PRUNE2: variants seen among roughly 807,000 people sequenced by gnomAD.
PRUNE2 encodes protein prune homolog 2.
A neutral mutation model predicts 252.0 loss-of-function variants in PRUNE2; 164 were observed. That is an observed-to-expected ratio of 0.65 (90% CI 0.57 to 0.74). The LOEUF is 0.74. Among genes scored for constraint, PRUNE2 ranks in the 30% least tolerant of loss-of-function variants. The probability of loss-of-function intolerance (pLI) is 0.00; values close to 1 mark genes in which losing one functional copy is unlikely to be tolerated. For synonymous variants in PRUNE2, 1,292 were observed against 1,350.2 expected (o/e 0.96, Z 0.94); for missense variants, 3,495 against 3,711.0 (o/e 0.94, Z 1.51).
intron 6 of PRUNE2, among the ~76,000 whole-genome samples, chr9:76,726,677 A>C (rs2048131319): frequency 6.6e-6 from 1 of 152,216 alleles, no homozygotes; most frequent in Non-Finnish European, 1.5e-5. Context: ...GTACTATTTA[A>C]ACAATCCAGG....
intron 6 of PRUNE2, among the ~76,000 whole-genome samples, chr9:76,751,074 A>G (rs1206524690): frequency 6.6e-6 from 1 of 152,178 alleles, no homozygotes; most frequent in East Asian, 1.9e-4. Flanking sequence ...ATATTAGCCC[A>G]CCTAAATCTA....
chr9:76,771,954 A>G (rs1263586833), intron 6 of PRUNE2, among the ~76,000 whole-genome samples: 1 of 152,226 alleles, frequency 6.6e-6, no homozygotes, highest in Admixed American at 6.5e-5. Flanking sequence ...CGTGGGACTC[A>G]GTGGGTTCAT....
In PRUNE2 at chr9:76,905,915, T is replaced by C; in HGVS notation, c.36+13A>G. The C allele has an allele frequency of 6.2e-7, 1 of 1,614,102 alleles. No individual in the cohort carries two copies. The highest frequency in any genetic ancestry group is 8.5e-7 in the Non-Finnish European group (1 of 1,180,006). ...CGCGCGCGCACACACACAGCTTTGC[T>C]CACTCAACTTACCAGTTTAGATTTG... is the stretch of plus-strand genomic sequence containing the variant. On this transcript the variant is annotated intron_variant, in intron 1 of 18. Transcript: ENST00000376718.
At position 76,905,904 on chromosome 9, in the gene PRUNE2, C is replaced by A; in HGVS notation, c.36+24G>T. On this transcript the variant is annotated intron_variant, in intron 1 of 18. Coordinates refer to ENST00000376718, the MANE Select transcript of PRUNE2 (RefSeq NM_015225.3). Reference sequence around the variant, plus strand: ...ATTAGCATACGCGCGCGCGCACACACACAGCTTTGCTCACTCAACTTACCA... The same window carrying A: ...ATTAGCATACGCGCGCGCGCACACAAACAGCTTTGCTCACTCAACTTACCA... The A allele has an allele frequency of 1.9e-6, 3 of 1,614,186 alleles. No individual in the cohort carries two copies. In the South Asian group the frequency reaches 3.3e-5, roughly 18 times the overall value.
At chr9:76,799,446 C>T (rs1214487827) in intron 6 of PRUNE2, among the ~76,000 whole-genome samples, 2 of 151,940 alleles carry the variant, frequency 1.3e-5, no homozygotes, top group East Asian at 1.9e-4. Flanking sequence ...ATTTTTGCCA[C>T]ACTGAGCATA....
intron 5 of PRUNE2, among the ~76,000 whole-genome samples, chr9:76,825,675 G>T (rs118166573): frequency 6.6e-6 from 1 of 152,212 alleles, no homozygotes; most frequent in East Asian, 1.9e-4. Context: ...CTGCACTTCA[G>T]TGTCCTCCCT....
intron 9 of PRUNE2, among the ~76,000 whole-genome samples, chr9:76,661,830 A>C (rs1473017009): frequency 6.6e-6 from 1 of 152,196 alleles, no homozygotes; most frequent in Non-Finnish European, 1.5e-5. Context: ...CAATGCAGTA[A>C]TATAGCTTGA....
intron 1 of PRUNE2, among the ~76,000 whole-genome samples, chr9:76,894,417 A>G (rs2062685123): frequency 1.3e-5 from 2 of 152,206 alleles, no homozygotes; most frequent in African/African-American, 4.8e-5. Context: ...CTCCTTGGAG[A>G]GAGGACCAGG....
intron 12 of PRUNE2, among the ~76,000 whole-genome samples, chr9:76,643,906 A>G (rs985721690): frequency 1.3e-5 from 2 of 152,206 alleles, no homozygotes; most frequent in Non-Finnish European, 2.9e-5. Flanking sequence ...ATTAAGGAAG[A>G]GAGAACTGAG....
At chr9:76,724,959 A>G (rs1359207219) in intron 6 of PRUNE2, among the ~76,000 whole-genome samples, 1 of 152,128 alleles carries the variant, frequency 6.6e-6, no homozygotes, top group African/African-American at 2.4e-5. Context: ...TCTATTTTTG[A>G]AATGGTAGAA....
intron 9 of PRUNE2, chr9:76,693,014 A>G (rs976864460): frequency 2.7e-5 from 4 of 146,960 alleles, no homozygotes; most frequent in Non-Finnish European, 1.5e-5. Context: ...AAAAAAAGGT[A>G]AGATAACCTA....
At chr9:76,831,550 A>G (rs759230601) in intron 4 of PRUNE2, among the ~76,000 whole-genome samples, 3 of 152,060 alleles carry the variant, frequency 2.0e-5, no homozygotes, top group Non-Finnish European at 2.9e-5. Context: ...AGGAGAGGCT[A>G]AGTAGAGAGA....
intron 7 of PRUNE2, among the ~76,000 whole-genome samples, chr9:76,712,681 C>T (rs886848409): frequency 6.6e-6 from 1 of 152,174 alleles, no homozygotes; most frequent in Non-Finnish European, 1.5e-5. Flanking sequence ...CCCTGGGAAG[C>T]CAGTGACCAA....
chr9:76,685,843 C>A (rs192364898), intron 9 of PRUNE2, among the ~76,000 whole-genome samples: 2 of 152,192 alleles, frequency 1.3e-5, no homozygotes, highest in Non-Finnish European at 2.9e-5. Flanking sequence ...GGAGGAGACT[C>A]TTGACTCTGG....
chr9:76,708,023 T>G lies in PRUNE2; in HGVS notation c.4251A>C (p.Thr1417=). 1.2e-6 allele frequency: 2 copies of G among 1,614,010 alleles called. No individual in the cohort carries two copies. Among genetic ancestry groups the G allele is most frequent in the Non-Finnish European group, 1.7e-6 (2 of 1,179,876 alleles). ...SYNLDSRDVQ[T]GMSADNLQPK... ...GCTGCAGGTTATCTGCGGACATCCC[T>G]GTTTGCACATCACGGGAGTCTAGAT... The change falls in exon 8 of 19, where the codon ACA becomes ACC. Residue 1417 remains threonine (T), a synonymous_variant. Transcript: ENST00000376718.
At chr9:76,642,610 T>C (rs1270169692) in intron 12 of PRUNE2, among the ~76,000 whole-genome samples, 3 of 152,210 alleles carry the variant, frequency 2.0e-5, no homozygotes, top group South Asian at 2.1e-4. Context: ...ATAAGATTCA[T>C]GTTTACTGTG....
At chr9:76,670,563 G>A (rs1297904750) in intron 9 of PRUNE2, among the ~76,000 whole-genome samples, 2 of 152,104 alleles carry the variant, frequency 1.3e-5, no homozygotes, top group Admixed American at 6.5e-5. Flanking sequence ...GCTCAAGGAG[G>A]CCTGCCTGCC....
intron 1 of PRUNE2, among the ~76,000 whole-genome samples, chr9:76,889,679 C>T (rs747160723): frequency 5.9e-5 from 9 of 152,162 alleles, no homozygotes; most frequent in South Asian, 2.1e-4. Context: ...TAGCAACAGA[C>T]GCGGCACATC....
chr9:76,655,283 A>G (rs1022633771), intron 10 of PRUNE2, 140 bp downstream of exon 10: 2 of 709,298 alleles, frequency 2.8e-6, no homozygotes, highest in African/African-American at 1.8e-5. Flanking sequence ...TAACACCTTC[A>G]TATCACACAT....
Sources: allele counts gnomAD v4.1 joint callset (sites outside exome capture counted in the v4.1 genomes callset), GRCh38; gene constraint gnomAD v4.1.1; transcripts MANE v1.5; gene names NCBI Gene and HGNC (gene_info 2026-07-23, HGNC 2026-07-21).